The following ELP4 variants were observed in gnomAD, a reference collection of about 807,000 sequenced individuals.
The protein encoded by ELP4 is elongator acetyltransferase complex subunit 4.
A neutral mutation model predicts 48.9 loss-of-function variants in ELP4; 51 were observed. The observed-to-expected ratio is 1.04, with a 90% CI of 0.83 to 1.32. The LOEUF (loss-of-function observed/expected upper bound fraction) is 1.32. Among genes scored for constraint, ELP4 ranks in the 40% most tolerant of loss-of-function variants. The probability of loss-of-function intolerance (pLI) is 0.00; values close to 1 mark genes in which losing one functional copy is unlikely to be tolerated. For missense variants in ELP4, 519 were observed against 514.6 expected (o/e 1.01, Z -0.08); for synonymous variants, 210 against 189.2 (o/e 1.11, Z -0.90).
intron 9 of ELP4, chr11:31,653,488 C>G (rs955137978): frequency 6.6e-6 from 1 of 151,620 alleles, no homozygotes; most frequent in Non-Finnish European, 1.5e-5. Flanking sequence ...AAGTACTATA[C>G]GAGCTTAGTT....
intron 2 of ELP4, among the ~76,000 whole-genome samples, chr11:31,538,682 TATATC>T (rs1289438684): frequency 1.3e-5 from 2 of 151,676 alleles, no homozygotes; most frequent in Non-Finnish European, 2.9e-5. Flanking sequence ...TTATATTAAT[TATATC>T]TAATATAAAT....
intron 9 of ELP4, among the ~76,000 whole-genome samples, chr11:31,716,891 G>T (rs1412100907): frequency 6.6e-6 from 1 of 152,170 alleles, no homozygotes; most frequent in Non-Finnish European, 1.5e-5. Flanking sequence ...AGAGAAAAGA[G>T]AAATCTTTAT....
chr11:31,526,935 C>T (rs1181430479), intron 2 of ELP4, among the ~76,000 whole-genome samples: 1 of 151,944 alleles, frequency 6.6e-6, no homozygotes, highest in Non-Finnish European at 1.5e-5. Context: ...TTTTCTCTTC[C>T]CTTTCATAGT....
chr11:31,785,636 G>C lies in ELP4; in HGVS notation c.*2112G>C, dbSNP rs1223308462. ...AGTGCTTTGTTTTTCTAATTCACTG[G>C]GCCGGCTTTGTAAAAATAAGCTACT... On this transcript the variant is annotated 3_prime_UTR_variant, in exon 10 of 10. Coordinates refer to ENST00000640961, the MANE Select transcript of ELP4 (RefSeq NM_019040.5). The C allele has an allele frequency of 1.0e-5, 2 of 196,646 alleles. No homozygotes were observed. Among genetic ancestry groups the C allele is most frequent in the Non-Finnish European group, 2.1e-5 (2 of 94,992 alleles). The allele number at this position is 196,646 out of a possible 1,614,324, so 12.2% of individuals were successfully genotyped here. A position where few individuals can be genotyped will look rare whatever the true frequency, so the allele number is the denominator to read the frequency against.
At chr11:31,688,907 C>T (rs1340873869) in intron 9 of ELP4, among the ~76,000 whole-genome samples, 2 of 152,254 alleles carry the variant, frequency 1.3e-5, no homozygotes, top group African/African-American at 4.8e-5. Flanking sequence ...CAGCTCTTAT[C>T]ATTGGGAGAA....
At chr11:31,743,947 C>A (rs553575105) in intron 9 of ELP4, among the ~76,000 whole-genome samples, 2 of 152,216 alleles carry the variant, frequency 1.3e-5, no homozygotes, top group Admixed American at 1.3e-4. Flanking sequence ...ATTAATGAGT[C>A]CAGGAGCTGG....
Position 31,620,376 on chromosome 11 carries a change from A to C in ELP4, c.654-6734A>C, listed in dbSNP as rs1247787685. On this transcript the variant is annotated intron_variant, in intron 5 of 9. Coordinates refer to ENST00000640961, the MANE Select transcript of ELP4 (RefSeq NM_019040.5). ...AGCAGGTGAGTGAAAGGTGTGGTAG[A>C]CAATGATATAGAGATCTCAGCAGGG... Among the ~76,000 whole-genome samples the C allele has an allele frequency of 3.3e-5, 5 of 152,182 alleles. No homozygotes were observed. In the South Asian group the frequency reaches 1.0e-3, roughly 31 times the overall value.
chr11:31,609,105 G>A (rs763291723), intron 5 of ELP4, among the ~76,000 whole-genome samples: 10 of 152,146 alleles, frequency 6.6e-5, no homozygotes, highest in Non-Finnish European at 1.3e-4. Context: ...GCTGGACAAG[G>A]AGTTTTTGGT....
rs1354658511 is a variant in ELP4, at chr11:31,789,486, A to G, written c.*5962A>G. The G allele has an allele frequency of 5.5e-6, 3 of 544,230 alleles. No individual in the cohort carries two copies. The highest frequency in any genetic ancestry group is 3.0e-5 in the East Asian group (1 of 33,702). The allele number at this position is 544,230 out of a possible 1,614,324, so 33.7% of individuals were successfully genotyped here. Reference sequence around the variant, plus strand: ...TGATACAAACTTGGAACATCAGTCCATAAACTATGAACAGATGGGTAGAAG... The same window carrying G: ...TGATACAAACTTGGAACATCAGTCCGTAAACTATGAACAGATGGGTAGAAG... On this transcript the variant is annotated 3_prime_UTR_variant, in exon 10 of 10. Transcript: ENST00000640961.
chr11:31,588,495 A>G (rs1429984099), intron 3 of ELP4, among the ~76,000 whole-genome samples: 5 of 152,328 alleles, frequency 3.3e-5, no homozygotes, highest in Non-Finnish European at 7.3e-5. Flanking sequence ...TTGCCGGTAT[A>G]ATGGGTGGGA....
At chr11:31,638,931 A>G (rs1350413063) in intron 7 of ELP4, among the ~76,000 whole-genome samples, 3 of 151,908 alleles carry the variant, frequency 2.0e-5, no homozygotes, top group Non-Finnish European at 4.4e-5. Flanking sequence ...GAAGAAAAAT[A>G]TACTTTTGTG....
At chr11:31,570,790 CTTTTTTTTTT>C (rs1183889559) in intron 3 of ELP4, among the ~76,000 whole-genome samples, 2 of 86,038 alleles carry the variant, frequency 2.3e-5, no homozygotes, top group African/African-American at 1.1e-4. Context: ...ACTGTAAACT[CTTTTTTTTTT>C]TTTTTTTTTT....
intron 1 of ELP4, among the ~76,000 whole-genome samples, chr11:31,518,508 T>C (rs1246687443): frequency 6.6e-6 from 1 of 151,080 alleles, no homozygotes; most frequent in Non-Finnish European, 1.5e-5. Flanking sequence ...TTTTTTTTTT[T>C]TTTTTCTGAA....
At chr11:31,683,337 G>A (rs1355436730) in intron 9 of ELP4, among the ~76,000 whole-genome samples, 2 of 151,972 alleles carry the variant, frequency 1.3e-5, no homozygotes, top group Non-Finnish European at 2.9e-5. Flanking sequence ...TATAGCTTTT[G>A]AAAAATTTTC....
At chr11:31,657,149 T>C (rs1211820376) in intron 9 of ELP4, among the ~76,000 whole-genome samples, 1 of 152,094 alleles carries the variant, frequency 6.6e-6, no homozygotes, top group Non-Finnish European at 1.5e-5. Flanking sequence ...GCTTGTGATG[T>C]AGGTAGTTTT....
At chr11:31,584,384 T>A (rs542972846) in intron 3 of ELP4, among the ~76,000 whole-genome samples, 305 of 152,210 alleles carry the variant, frequency 2.0e-3, no homozygotes, top group African/African-American at 7.0e-3. Context: ...AATATTGATA[T>A]GATTTTATTA....
At chr11:31,607,621 G>T (rs1957900320) in intron 5 of ELP4, among the ~76,000 whole-genome samples, 1 of 152,146 alleles carries the variant, frequency 6.6e-6, no homozygotes, top group South Asian at 2.1e-4. Context: ...CCTGAATTTT[G>T]TAGGGTACAC....
chr11:31,656,100 T>C (rs1263653944), intron 9 of ELP4, among the ~76,000 whole-genome samples: 1 of 152,106 alleles, frequency 6.6e-6, no homozygotes, highest in Non-Finnish European at 1.5e-5. Flanking sequence ...AATTTCTTTA[T>C]AATTGTTTTC....
chr11:31,553,555 G>C (rs1378400736), intron 3 of ELP4, among the ~76,000 whole-genome samples: 3 of 151,988 alleles, frequency 2.0e-5, no homozygotes, highest in Non-Finnish European at 4.4e-5. Flanking sequence ...CCTGCAAATT[G>C]GAATTACACC....
Sources: allele counts gnomAD v4.1 joint callset (sites outside exome capture counted in the v4.1 genomes callset), GRCh38; gene constraint gnomAD v4.1.1; transcripts MANE v1.5; gene names NCBI Gene and HGNC (gene_info 2026-07-23, HGNC 2026-07-21).